Variants in F2 observed in about 807,000 individuals in gnomAD.
F2 encodes prothrombin.
Under a neutral mutation model 81.9 loss-of-function variants are expected in F2, and 34 were observed. The observed-to-expected ratio is 0.42, with a 90% confidence interval of 0.32 to 0.55. The LOEUF (loss-of-function observed/expected upper bound fraction) is 0.55. F2 is among the 20% of genes least tolerant of loss of function. The pLI is 0.18. For missense variants in F2, 630 were observed against 833.4 expected (o/e 0.76, Z 3.00); for synonymous variants, 296 against 326.4 (o/e 0.91, Z 1.01).
intron 13 of F2, 35 bp downstream of exon 13, chr11:46,739,153 C>T: frequency 1.9e-6 from 3 of 1,613,518 alleles, no homozygotes; most frequent in Non-Finnish European, 2.5e-6. Context: ...CTGGTGAACA[C>T]ATCTTCTGGG....
chr11:46,734,032 C>T (rs955753358), intron 12 of F2, among the ~76,000 whole-genome samples: 55 of 151,988 alleles, frequency 3.6e-4, no homozygotes, highest in African/African-American at 1.3e-3. Flanking sequence ...GTGATCCTCC[C>T]GCCTCGGCCT....
chr11:46,728,198 G>A lies in F2; in HGVS notation c.1298+35G>A. 1.3e-6 allele frequency: 2 copies of A among 1,594,210 alleles called. No individual in the cohort carries two copies. The highest frequency in any genetic ancestry group is 1.7e-6 in the Non-Finnish European group (2 of 1,170,842). On this transcript the variant is annotated intron_variant, in intron 10 of 13. Coordinates refer to ENST00000311907, the MANE Select transcript of F2 (RefSeq NM_000506.5). The surrounding 1 kb of genome is among the most constrained non-coding windows in gnomAD (Gnocchi z 5.1). ...TGGTGGCCCGTGGGTGTCTGGCAGG[G>A]GTCTGAGTCCTCCAAAGCGATCATG...
In F2 at chr11:46,726,720, T is replaced by C; in HGVS notation, c.1013T>C (p.Leu338Pro). ...TFGSGEADCG[L>P]RPLFEKKSLE... Reference sequence around the variant, plus strand: ...TTGGCTTGCTCTGCAGACTGTGGGCTGCGACCTCTGTTCGAGAAGAAGTCG... The same window carrying C: ...TTGGCTTGCTCTGCAGACTGTGGGCCGCGACCTCTGTTCGAGAAGAAGTCG... Residue 338 changes from leucine to proline, a missense_variant, in exon 9 of 14, where the codon CTG (leucine) becomes CCG (proline). Leu to Pro is a moderately conservative substitution (Grantham distance 98). Transcript: ENST00000311907. The surrounding 1 kb of genome is among the most constrained non-coding windows in gnomAD (Gnocchi z 5.9). 6.2e-7 allele frequency: 1 copy of C among 1,614,268 alleles called. No homozygotes were observed. The highest frequency in any genetic ancestry group is 8.5e-7 in the Non-Finnish European group (1 of 1,180,048).
rs71455298 is a variant in F2 at position 46,725,069 on chromosome 11, C to CTTTTT, written c.560-776_560-772dup. Among the ~76,000 whole-genome samples the CTTTTT allele has an allele frequency of 7.2e-4, 77 of 106,242 alleles. 6 individuals carry two copies. The highest frequency in any genetic ancestry group is 1.5e-3 in the Admixed American group (14 of 9,624). The allele number at this position is 106,242 out of a possible 152,430, so 69.7% of individuals were successfully genotyped here. A position where few individuals can be genotyped will look rare whatever the true frequency, so the allele number is the denominator to read the frequency against. On this transcript the variant is annotated intron_variant, in intron 6 of 13. Transcript: ENST00000311907. ...ACAGGGGTGAGGCACTGCGCCCGGC[C>CTTTTT]TTTTTTTTTTTTTTTTTTGAGATGG...
Position 46,739,028 on chromosome 11 carries a change from G to T in F2, c.1655-20G>T. The T allele has an allele frequency of 6.2e-7, 1 of 1,613,704 alleles. No homozygotes were observed. The highest frequency in any genetic ancestry group is 1.1e-5 in the South Asian group (1 of 91,070). The stretch of plus-strand genomic sequence containing the variant: ...GCTATGAGCTATGCTCCTGAGCACA[G>T]ACGGCTGTTCTCTTTCAAGGTTACA... On this transcript the variant is annotated intron_variant, in intron 12 of 13. Transcript: ENST00000311907.
At position 46,719,776 on chromosome 11, in the gene F2, C is replaced by T. The variant is rs1423659542; in HGVS notation, c.154C>T (p.Arg52Cys). The T allele has an allele frequency of 3.8e-6, 6 of 1,597,858 alleles. No homozygotes were observed. Among genetic ancestry groups the T allele is most frequent in the Non-Finnish European group, 4.3e-6 (5 of 1,173,266 alleles). The change falls in exon 2 of 14, where the codon CGC (arginine) becomes TGC (cysteine). Residue 52 changes from arginine (R) to cysteine (C), a missense_variant. By Grantham distance (180) the Arg-to-Cys change is radical (BLOSUM62 -3). Transcript: ENST00000311907. The surrounding 1 kb of genome is among the most constrained non-coding windows in gnomAD (Gnocchi z 4.7). ...RRANTFLEEV[R>C]KGNLERECVE... ...AGCCAACACCTTCTTGGAGGAGGTG[C>T]GCAAGGGCAACCTGGAGCGAGAGTG...
In F2 at chr11:46,723,853, G is replaced by A. The variant is rs1236631929; in HGVS notation, c.559+335G>A. On this transcript the variant is annotated intron_variant, in intron 6 of 13. Transcript: ENST00000311907. The surrounding 1 kb of genome is among the most constrained non-coding windows in gnomAD (Gnocchi z 5.6). ...TGCAGTGAGCTGAGATCCTGCCACT[G>A]TACTTCAGCCTGGGCGACAAGAGCA... Among the ~76,000 whole-genome samples, 2 of 152,080 alleles carry A rather than the reference G, an allele frequency of 1.3e-5. No individual in the cohort carries two copies. Among genetic ancestry groups the A allele is most frequent in the African/African-American group, 2.4e-5 (1 of 41,400 alleles).
rs377697284 is a variant in F2, at chr11:46,723,720, G to A, written c.559+202G>A. On this transcript the variant is annotated intron_variant, in intron 6 of 13. Coordinates refer to ENST00000311907, the MANE Select transcript of F2 (RefSeq NM_000506.5). The surrounding 1 kb of genome is among the most constrained non-coding windows in gnomAD (Gnocchi z 5.6). ...AGCTGGGCCAACATGGCAAAACCCC[G>A]TCTCTACTAAAAATACAAAAATTGC... Among the ~76,000 whole-genome samples, 4 of 152,238 alleles carry A rather than the reference G, an allele frequency of 2.6e-5. No individual in the cohort carries two copies. Among genetic ancestry groups the A allele is most frequent in the South Asian group, 2.1e-4 (1 of 4,828 alleles).
intron 12 of F2, among the ~76,000 whole-genome samples, chr11:46,737,876 C>T (rs2064953965): frequency 6.6e-6 from 1 of 151,646 alleles, no homozygotes; most frequent in Non-Finnish European, 1.5e-5. Context: ...CTCTGTTGCC[C>T]AGGCTGGAGT....
intron 4 of F2, among the ~76,000 whole-genome samples, chr11:46,721,290 C>G (rs1396622538): frequency 6.6e-6 from 1 of 152,200 alleles, no homozygotes; most frequent in African/African-American, 2.4e-5. Context: ...GATCCACCCA[C>G]CTCGGCCTCA....
chr11:46,720,807 A>C lies in F2; in HGVS notation c.283A>C (p.Thr95Pro). 6.2e-7 allele frequency: 1 copy of C among 1,613,996 alleles called. No individual in the cohort carries two copies. Among genetic ancestry groups the C allele is most frequent in the Non-Finnish European group, 8.5e-7 (1 of 1,180,020 alleles). Residue 95 changes from threonine to proline, a missense_variant, in exon 4 of 14, where the codon ACG (threonine) becomes CCG (proline). Coordinates refer to ENST00000311907, the MANE Select transcript of F2 (RefSeq NM_000506.5). ...AKYTACETARTPRDKLAACLE... is the reference protein window; with the variant it reads ...AKYTACETARPPRDKLAACLE... Reference sequence around the variant, plus strand: ...TTTTCCAGCTTGTGAGACAGCGAGGACGCCTCGAGATAAGCTTGCTGCATG... The same window carrying C: ...TTTTCCAGCTTGTGAGACAGCGAGGCCGCCTCGAGATAAGCTTGCTGCATG...
intron 6 of F2, among the ~76,000 whole-genome samples, chr11:46,724,856 C>T (rs139498514): frequency 1.6e-3 from 248 of 151,954 alleles, no homozygotes; most frequent in African/African-American, 5.1e-3. Context: ...CTGCAACCTC[C>T]GCCTCCTGGG....
At chr11:46,721,018 C>T (rs930300769) in intron 4 of F2, among the ~76,000 whole-genome samples, 178 bp downstream of exon 4, 12 of 151,918 alleles carry the variant, frequency 7.9e-5, no homozygotes, top group African/African-American at 2.4e-4. Context: ...GGCATGCGAA[C>T]GAATGAATGA....
chr11:46,726,972 A>C lies in F2; in HGVS notation c.1130+135A>C. 5 of 1,349,846 alleles carry C rather than the reference A, an allele frequency of 3.7e-6. No homozygotes were observed. Among genetic ancestry groups the C allele is most frequent in the Non-Finnish European group, 4.1e-6 (4 of 969,686 alleles). 83.6% of individuals were successfully genotyped at this position (1,349,846 alleles called of 1,614,324 possible). A position where few individuals can be genotyped will look rare whatever the true frequency, so the allele number is the denominator to read the frequency against. ...GAGCATCCAGGATCCCACCAACTCC[A>C]CACAGCAGCCACATGAGATGGGTTG... On this transcript the variant is annotated intron_variant, in intron 9 of 13. Coordinates refer to ENST00000311907, the MANE Select transcript of F2 (RefSeq NM_000506.5). The surrounding 1 kb of genome is among the most constrained non-coding windows in gnomAD (Gnocchi z 5.9).
chr11:46,719,779 A>G lies in F2; in HGVS notation c.157A>G (p.Lys53Glu). ...RANTFLEEVRKGNLERECVEE... is the reference protein window; with the variant it reads ...RANTFLEEVREGNLERECVEE... ...CAACACCTTCTTGGAGGAGGTGCGC[A>G]AGGGCAACCTGGAGCGAGAGTGCGT... The change falls in exon 2 of 14, where the codon AAG becomes GAG. Residue 53 changes from lysine (K) to glutamate (E), a missense_variant. Coordinates refer to ENST00000311907, the MANE Select transcript of F2 (RefSeq NM_000506.5). This position sits in a 1 kb window ranked among gnomAD's most constrained non-coding sequence, Gnocchi z 4.7. 1 of 1,598,402 alleles carries G rather than the reference A, an allele frequency of 6.3e-7. No individual in the cohort carries two copies. Among genetic ancestry groups the G allele is most frequent in the Non-Finnish European group, 8.5e-7 (1 of 1,173,488 alleles).
intron 3 of F2, 63 bp from the exon 4 acceptor site, chr11:46,720,727 C>G (rs2064830855): frequency 6.3e-7 from 1 of 1,590,066 alleles, no homozygotes; most frequent in African/African-American, 1.3e-5. Context: ...TCCCATCCAC[C>G]CTGACTCCAG....
intron 12 of F2, 66 bp downstream of exon 12, chr11:46,729,627 G>A: frequency 1.9e-6 from 3 of 1,573,180 alleles, no homozygotes; most frequent in Non-Finnish European, 2.6e-6. Context: ...AGTTGTGCCT[G>A]GGTTCAAGCC....
intron 2 of F2, chr11:46,720,158 C>A: frequency 1.8e-6 from 1 of 556,130 alleles, no homozygotes; most frequent in Non-Finnish European, 3.2e-6. Context: ...GGCAGACTCC[C>A]ACACCACCCT....
At chr11:46,735,332 T>G (rs897005624) in intron 12 of F2, among the ~76,000 whole-genome samples, 1 of 151,940 alleles carries the variant, frequency 6.6e-6, no homozygotes, top group Non-Finnish European at 1.5e-5. Context: ...TACCAGCTAC[T>G]CAGGAGGCTG....
Sources: allele counts gnomAD v4.1 joint callset (sites outside exome capture counted in the v4.1 genomes callset), GRCh38; gene constraint gnomAD v4.1.1; non-coding constraint Gnocchi (gnomAD v3.1); transcripts MANE v1.5; gene names NCBI Gene and HGNC (gene_info 2026-07-23, HGNC 2026-07-21).